Variants in LYST observed in about 807,000 individuals in gnomAD.
The protein encoded by LYST is lysosomal trafficking regulator, also known as lysosomal-trafficking regulator.
A neutral mutation model predicts 413.6 loss-of-function variants in LYST; 192 were observed. That is an observed-to-expected ratio of 0.46 (90% confidence interval 0.41 to 0.52). LYST has a LOEUF of 0.52. Among genes scored for constraint, LYST ranks in the 20% least tolerant of loss-of-function variants. The probability of loss-of-function intolerance (pLI) is 0.00; values close to 1 mark genes in which losing one functional copy is unlikely to be tolerated. For synonymous variants in LYST, 1,525 were observed against 1,567.3 expected (o/e 0.97, Z 0.64); for missense variants, 3,815 against 4,499.9 (o/e 0.85, Z 4.35).
chr1:235,780,140 C>T (rs1669697492), intron 16 of LYST, among the ~76,000 whole-genome samples: 2 of 152,090 alleles, frequency 1.3e-5, no homozygotes, highest in Admixed American at 1.3e-4. Flanking sequence ...GGCATGGTGG[C>T]TCATGCCTGT....
At chr1:235,814,319 T>C (rs1169363293) in intron 3 of LYST, among the ~76,000 whole-genome samples, 1 of 151,990 alleles carries the variant, frequency 6.6e-6, no homozygotes, top group Non-Finnish European at 1.5e-5. Flanking sequence ...CTTAAAAAAA[T>C]ATGAAGTAAA....
chr1:235,765,928 G>C (rs1668100346), intron 21 of LYST, 151 bp downstream of exon 21: 1 of 710,926 alleles, frequency 1.4e-6, no homozygotes, highest in Non-Finnish European at 2.6e-6. Context: ...GCCATGTCTA[G>C]TTCATTCTAT....
At chr1:235,721,779 T>C (rs543544550) in intron 39 of LYST, among the ~76,000 whole-genome samples, 37 of 152,264 alleles carry the variant, frequency 2.4e-4, no homozygotes, top group Admixed American at 5.2e-4. Context: ...AGCCAAGCCC[T>C]GGAAGGAAAA....
At chr1:235,738,422 A>G (rs1379179012) in intron 31 of LYST, 6 of 1,613,510 alleles carry the variant, frequency 3.7e-6, no homozygotes, top group East Asian at 2.2e-5. Flanking sequence ...TCCAGTGGAT[A>G]TCTTTGACCT....
intron 47 of LYST, among the ~76,000 whole-genome samples, chr1:235,690,305 T>G (rs992493115): frequency 6.6e-6 from 1 of 152,186 alleles, no homozygotes; most frequent in African/African-American, 2.4e-5. Flanking sequence ...TTTTCCCAAT[T>G]TATAATAATC....
intron 50 of LYST, 47 bp downstream of exon 50, chr1:235,677,044 T>G: frequency 1.4e-6 from 2 of 1,396,194 alleles, no homozygotes; most frequent in Non-Finnish European, 2.0e-6. Context: ...CCGAATGCGC[T>G]GTTAGAGCAC....
chr1:235,851,086 G>A (rs1678471538), intron 1 of LYST, among the ~76,000 whole-genome samples: 1 of 152,058 alleles, frequency 6.6e-6, no homozygotes, highest in South Asian at 2.1e-4. Flanking sequence ...GTTTATAGCA[G>A]CAAAATTCAC....
chr1:235,862,811 AC>A (rs1680048554), intron 1 of LYST, among the ~76,000 whole-genome samples: 4 of 79,576 alleles, frequency 5.0e-5, no homozygotes, highest in Non-Finnish European at 9.9e-5. Context: ...AAACAAACAC[AC>A]ACACACACAC....
intron 1 of LYST, among the ~76,000 whole-genome samples, chr1:235,863,418 A>G (rs1211316451): frequency 6.6e-6 from 1 of 151,730 alleles, no homozygotes; most frequent in Non-Finnish European, 1.5e-5. Flanking sequence ...AAAAGGCGAA[A>G]GATTTATACA....
intron 1 of LYST, among the ~76,000 whole-genome samples, chr1:235,851,758 A>T (rs1446406448): frequency 1.3e-5 from 2 of 152,132 alleles, no homozygotes; most frequent in Non-Finnish European, 2.9e-5. Flanking sequence ...AATAGGGGAA[A>T]TTAAAATATT....
Position 235,664,271 on chromosome 1 carries a change from A to C in LYST, c.11195+194T>G, listed in dbSNP as rs533442809. 6.6e-6 allele frequency among the ~76,000 whole-genome samples: 1 copy of C among 152,342 alleles called. No individual in the cohort carries two copies. Among genetic ancestry groups the C allele is most frequent in the South Asian group, 2.1e-4 (1 of 4,828 alleles). On this transcript the variant is annotated intron_variant, in intron 51 of 52. Transcript: ENST00000389793. The surrounding 1 kb of genome is among the most constrained non-coding windows in gnomAD (Gnocchi z 4.5). ...CTGTTAATCTTTTATAGTTAACATAAAACTTCAAAACTGTGCTAAAGCTAT... is the reference window on the plus strand; with the variant it reads ...CTGTTAATCTTTTATAGTTAACATACAACTTCAAAACTGTGCTAAAGCTAT...
At chr1:235,812,177 A>C (rs984620159) in intron 4 of LYST, among the ~76,000 whole-genome samples, 1 of 152,074 alleles carries the variant, frequency 6.6e-6, no homozygotes, top group Non-Finnish European at 1.5e-5. Flanking sequence ...CTTACATAGA[A>C]TAATTCTACC....
chr1:235,792,960 T>C (rs530870400), intron 11 of LYST, among the ~76,000 whole-genome samples: 5 of 152,270 alleles, frequency 3.3e-5, no homozygotes, highest in Middle Eastern at 3.4e-3. Flanking sequence ...CATGGCGCCC[T>C]GCCTTAGATG....
chr1:235,742,513 A>G (rs1231475072), intron 30 of LYST, among the ~76,000 whole-genome samples: 1 of 151,794 alleles, frequency 6.6e-6, no homozygotes, highest in Non-Finnish European at 1.5e-5. Flanking sequence ...AACAATGTGA[A>G]TATACTTAGT....
chr1:235,770,059 G>GA (rs796359135), intron 20 of LYST, 101 bp downstream of exon 20: 1 of 1,063,132 alleles, frequency 9.4e-7, no homozygotes, highest in East Asian at 2.4e-5. Context: ...AAAAAAAAAA[G>GA]AAAAAAAGTC....
rs1298575840 is a variant in LYST at position 235,697,161 on chromosome 1, G to A, written c.10486C>T (p.Leu3496Phe). The change falls in exon 46 of 53, where the codon CTC becomes TTC. Residue 3496 changes from leucine (L) to phenylalanine (F), a missense_variant. Coordinates refer to ENST00000389793, the MANE Select transcript of LYST (RefSeq NM_000081.4). ...SQPHGERFGSLQALPTRAICG... is the reference protein window; with the variant it reads ...SQPHGERFGSFQALPTRAICG... ...ATTGCTCTGGTGGGCAGAGCCTGGA[G>A]AGAGCCAAATCTTTCTCCGTGGGGC... 1 of 1,614,226 alleles carries A rather than the reference G, an allele frequency of 6.2e-7. No homozygotes were observed. Among genetic ancestry groups the A allele is most frequent in the Non-Finnish European group, 8.5e-7 (1 of 1,180,038 alleles).
At chr1:235,750,581 T>C (rs944796486) in intron 28 of LYST, among the ~76,000 whole-genome samples, 4 of 152,204 alleles carry the variant, frequency 2.6e-5, no homozygotes, top group African/African-American at 7.2e-5. Flanking sequence ...TGTATATATA[T>C]GTATGTGTGT....
In LYST at chr1:235,808,538, A is replaced by G; in HGVS notation, c.2280T>C (p.His760=). 1.2e-6 allele frequency: 2 copies of G among 1,613,904 alleles called. No individual in the cohort carries two copies. The highest frequency in any genetic ancestry group is 2.2e-5 in the South Asian group (2 of 91,078). Residue 760 remains histidine, a synonymous_variant, in exon 5 of 53, where the codon CAT becomes CAC. Transcript: ENST00000389793. ...AGCACTGGTTATGATGGCTACATAC[A>G]TGACTTTGAGCTGAAGTAACGCTTA... ...QHLSVTSAQS[H]VCSHHNQCLP...
chr1:235,708,902 T>C (rs1254183310), intron 44 of LYST, among the ~76,000 whole-genome samples, 189 bp downstream of exon 44: 1 of 152,154 alleles, frequency 6.6e-6, no homozygotes, highest in Non-Finnish European at 1.5e-5. Flanking sequence ...GGGGCACCTC[T>C]GAAAAAGATA....
Sources: allele counts gnomAD v4.1 joint callset (sites outside exome capture counted in the v4.1 genomes callset), GRCh38; gene constraint gnomAD v4.1.1; non-coding constraint Gnocchi (gnomAD v3.1); transcripts MANE v1.5; gene names NCBI Gene and HGNC (gene_info 2026-07-23, HGNC 2026-07-21).